Variants in NPR3 observed in about 807,000 individuals in gnomAD.
NPR3 encodes atrial natriuretic peptide receptor 3.
NPR3 carries 34 observed loss-of-function variants against 54.5 expected under a neutral mutation model. The ratio of observed to expected loss-of-function variants is 0.62; its 90% CI spans 0.47 to 0.83. The LOEUF (loss-of-function observed/expected upper bound fraction) is 0.83. Among genes scored for constraint, NPR3 ranks in the 40% least tolerant of loss-of-function variants. The probability of loss-of-function intolerance (pLI) is 0.00; values close to 1 mark genes in which losing one functional copy is unlikely to be tolerated. For synonymous variants in NPR3, 289 were observed against 297.1 expected (o/e 0.97, Z 0.28); for missense variants, 674 against 720.8 (o/e 0.94, Z 0.74).
intron 4 of NPR3, among the ~76,000 whole-genome samples, chr5:32,780,310 T>G (rs942079545): frequency 6.6e-6 from 1 of 152,046 alleles, no homozygotes; most frequent in Non-Finnish European, 1.5e-5. Context: ...CTGGAATGAT[T>G]TTTCTATTAT....
intron 1 of NPR3, chr5:32,713,554 C>T (rs892200720): frequency 1.2e-6 from 1 of 831,548 alleles, no homozygotes; most frequent in African/African-American, 1.8e-5. Context: ...TCCCCCTTGG[C>T]GCTCACGCGC....
chr5:32,747,490 C>G (rs1286713070), intron 3 of NPR3, among the ~76,000 whole-genome samples: 1 of 152,052 alleles, frequency 6.6e-6, no homozygotes, highest in Non-Finnish European at 1.5e-5. Flanking sequence ...CTTTTTGTTT[C>G]TCTGGCCTTA....
chr5:32,753,238 T>C (rs1740664587), intron 3 of NPR3, among the ~76,000 whole-genome samples: 2 of 152,160 alleles, frequency 1.3e-5, no homozygotes, highest in Non-Finnish European at 2.9e-5. Flanking sequence ...TTTGCAATAA[T>C]GGTGACAATA....
In NPR3 at chr5:32,786,635, G is replaced by T. The variant is rs980733872; in HGVS notation, c.*290G>T. ...TAGATTTATGTTTTTAAAATCTGTT[G>T]TCTCCATATCTTGATGGCTTTTGGG... On this transcript the variant is annotated 3_prime_UTR_variant, in exon 8 of 8. Coordinates refer to ENST00000265074, the MANE Select transcript of NPR3 (RefSeq NM_001204375.2). 8.6e-5 allele frequency: 27 copies of T among 315,304 alleles called. No individual in the cohort carries two copies. Among genetic ancestry groups the T allele is most frequent in the Non-Finnish European group, 1.2e-4 (22 of 176,336 alleles). 19.5% of individuals were successfully genotyped at this position (315,304 alleles called of 1,614,324 possible).
chr5:32,721,137 T>C (rs2111878612), intron 1 of NPR3, among the ~76,000 whole-genome samples: 1 of 152,244 alleles, frequency 6.6e-6, no homozygotes, highest in Non-Finnish European at 1.5e-5. Context: ...TGTCATTAGG[T>C]GCTTGCTCCA....
chr5:32,724,866 A>G (rs781562989), intron 2 of NPR3, 46 bp downstream of exon 2: 1 of 1,608,782 alleles, frequency 6.2e-7, no homozygotes, highest in Non-Finnish European at 8.5e-7. Flanking sequence ...GTTCCAAGAG[A>G]GGTTGTCAGA....
Position 32,738,959 on chromosome 5 carries a change from C to T in NPR3, c.988C>T (p.Pro330Ser). 2.5e-6 allele frequency: 4 copies of T among 1,613,928 alleles called. No individual in the cohort carries two copies. Among genetic ancestry groups the T allele is most frequent in the Non-Finnish European group, 3.4e-6 (4 of 1,179,854 alleles). Residue 330 changes from proline (P) to serine (S), a missense_variant, in exon 3 of 8, where the codon CCT becomes TCT. Physicochemically the swap from Pro to Ser is moderately conservative, Grantham distance 74. Coordinates refer to ENST00000265074, the MANE Select transcript of NPR3 (RefSeq NM_001204375.2). ...AGTCACTCTACTGAGGACAGTGAAA[C>T]CTGAGTTTGAGAAGTTTTCCATGGA... The part of the protein sequence containing the change: ...QTVTLLRTVK[P>S]EFEKFSMEVK...
chr5:32,717,327 C>G (rs910587809), intron 1 of NPR3, among the ~76,000 whole-genome samples: 1 of 152,128 alleles, frequency 6.6e-6, no homozygotes, highest in Non-Finnish European at 1.5e-5. Context: ...GTGCATGTGT[C>G]TTTATAGTAG....
At chr5:32,745,758 G>C (rs1282474262) in intron 3 of NPR3, among the ~76,000 whole-genome samples, 1 of 152,130 alleles carries the variant, frequency 6.6e-6, no homozygotes, top group African/African-American at 2.4e-5. Flanking sequence ...CAGACACTTG[G>C]CAAAGTCTGG....
intron 3 of NPR3, among the ~76,000 whole-genome samples, chr5:32,769,933 A>G (rs1372726906): frequency 6.6e-6 from 1 of 152,206 alleles, no homozygotes; most frequent in Non-Finnish European, 1.5e-5. Context: ...CACGGTTGGG[A>G]GCCAGGCTGT....
chr5:32,738,608 A>G (rs1392521619), intron 2 of NPR3, among the ~76,000 whole-genome samples: 1 of 152,182 alleles, frequency 6.6e-6, no homozygotes, highest in Non-Finnish European at 1.5e-5. Context: ...TTGCAGTTAC[A>G]TGGTTATTAC....
intron 3 of NPR3, among the ~76,000 whole-genome samples, chr5:32,741,749 G>T (rs116426325): frequency 0.011 from 1,689 of 151,348 alleles, 37 homozygotes; most frequent in African/African-American, 0.039. Flanking sequence ...TTGTATGTAT[G>T]TAGGTTTTAG....
intron 1 of NPR3, among the ~76,000 whole-genome samples, chr5:32,722,189 A>C (rs1738901317): frequency 6.6e-6 from 1 of 152,188 alleles, no homozygotes; most frequent in Non-Finnish European, 1.5e-5. Context: ...AACTTCAGGC[A>C]AAGTTTAGGA....
At chr5:32,716,429 C>T (rs11750438) in intron 1 of NPR3, 55,446 of 452,592 alleles carry the variant, frequency 0.12, 3,772 homozygotes, top group Admixed American at 0.22. Context: ...AAATTCTCTT[C>T]TTGATCATTC....
Position 32,786,952 on chromosome 5 carries a change from G to T in NPR3, c.*607G>T, listed in dbSNP as rs1742672008. 6.6e-6 allele frequency: 1 copy of T among 152,284 alleles called. No homozygotes were observed. Among genetic ancestry groups the T allele is most frequent in the African/African-American group, 2.4e-5 (1 of 41,310 alleles). The allele number at this position is 152,284 out of a possible 1,614,324, so 9.4% of individuals were successfully genotyped here. A position where few individuals can be genotyped will look rare whatever the true frequency, so the allele number is the denominator to read the frequency against. On this transcript the variant is annotated 3_prime_UTR_variant, in exon 8 of 8. Transcript: ENST00000265074. ...TCAGTGTCTCATAAACGCTACTCTGGATTGTTGTAAATATTAGTGAGATGG... is the reference window on the plus strand; with the variant it reads ...TCAGTGTCTCATAAACGCTACTCTGTATTGTTGTAAATATTAGTGAGATGG...
intron 1 of NPR3, among the ~76,000 whole-genome samples, chr5:32,699,926 T>C (rs1740625901): frequency 6.6e-6 from 1 of 152,220 alleles, no homozygotes; most frequent in Admixed American, 6.5e-5. Flanking sequence ...TGGGAAAATC[T>C]TTAATTTTCT....
chr5:32,782,801 C>A, intron 5 of NPR3, 92 bp from the exon 6 acceptor site: 1 of 1,249,490 alleles, frequency 8.0e-7, no homozygotes, highest in Non-Finnish European at 1.1e-6. Flanking sequence ...TTAGATCAGG[C>A]TGTACATTTT....
At chr5:32,693,605 T>C (rs1740453534) in intron 1 of NPR3, among the ~76,000 whole-genome samples, 1 of 152,206 alleles carries the variant, frequency 6.6e-6, no homozygotes, top group Non-Finnish European at 1.5e-5. Flanking sequence ...ACATAGCATA[T>C]TTGCCTGCTG....
At chr5:32,775,584 G>C (rs898273306) in intron 4 of NPR3, among the ~76,000 whole-genome samples, 2 of 151,788 alleles carry the variant, frequency 1.3e-5, no homozygotes, top group Non-Finnish European at 2.9e-5. Context: ...TTTTAAAATA[G>C]TGACTGTTAG....
Sources: gnomAD v4.1 joint callset for allele counts (sites outside exome capture counted in the v4.1 genomes callset) on GRCh38, gnomAD v4.1.1 for gene constraint, MANE v1.5 for transcripts, NCBI Gene and HGNC (gene_info 2026-07-23, HGNC 2026-07-21) for gene names.